Variants in TSC1 observed in about 807,000 individuals in gnomAD.
TSC1 encodes TSC complex subunit 1.
Under a neutral mutation model 124.3 loss-of-function variants are expected in TSC1, and 20 were observed. The observed-to-expected ratio is 0.16, with a 90% CI of 0.11 to 0.23. TSC1 has a LOEUF of 0.23. Among genes scored for constraint, TSC1 ranks in the 10% least tolerant of loss-of-function variants. The pLI is 1.00. For synonymous variants in TSC1, 493 were observed against 539.1 expected (o/e 0.91, Z 1.19); for missense variants, 1,124 against 1,448.5 (o/e 0.78, Z 3.64).
chr9:132,931,876 C>T (rs1377109935), intron 2 of TSC1, among the ~76,000 whole-genome samples: 2 of 152,170 alleles, frequency 1.3e-5, no homozygotes, highest in Non-Finnish European at 2.9e-5. Context: ...TGGACTCAGT[C>T]AGGGGTGGTG....
upstream of TSC1, chr9:132,945,054 C>T (rs1209428174): frequency 6.5e-6 from 1 of 153,876 alleles, no homozygotes; most frequent in Non-Finnish European, 1.4e-5. Flanking sequence ...TCGTTTCTGC[C>T]CTTCGCTTGC....
Position 132,923,607 on chromosome 9 carries a change from C to G in TSC1, c.364-115G>C, listed in dbSNP as rs1846690666. ...GAGAGAATCACAAATCACAAGTTGA[C>G]TCACGTACTCATTTCCCTATCCCTA... On this transcript the variant is annotated intron_variant, in intron 5 of 22. Coordinates refer to ENST00000298552, the MANE Select transcript of TSC1 (RefSeq NM_000368.5). The surrounding 1 kb of genome is among the most constrained non-coding windows in gnomAD (Gnocchi z 4.2). The G allele has an allele frequency of 4.9e-6, 7 of 1,415,608 alleles. No individual in the cohort carries two copies. In the Admixed American group the frequency reaches 1.2e-4, roughly 25 times the overall value. The allele number at this position is 1,415,608 out of a possible 1,614,324, so 87.7% of individuals were successfully genotyped here.
chr9:132,897,656 A>G (rs2131642100), intron 20 of TSC1, 46 bp from the exon 21 acceptor site: 2 of 1,567,396 alleles, frequency 1.3e-6, no homozygotes, highest in South Asian at 2.4e-5. Flanking sequence ...CTTATAAAAA[A>G]TAAACATGCT....
intron 12 of TSC1, chr9:132,910,169 C>T: frequency 2.8e-6 from 1 of 357,574 alleles, no homozygotes; most frequent in Non-Finnish European, 5.1e-6. Context: ...GGCATCATGG[C>T]ACATGCCTGT....
At chr9:132,938,091 T>C (rs1291356785) in intron 1 of TSC1, among the ~76,000 whole-genome samples, 1 of 152,252 alleles carries the variant, frequency 6.6e-6, no homozygotes, top group East Asian at 1.9e-4. Context: ...ATGATAATGG[T>C]ACTAAATTGG....
At chr9:132,910,173 T>C (rs1845870197) in intron 12 of TSC1, 1 of 377,426 alleles carries the variant, frequency 2.6e-6, no homozygotes. Flanking sequence ...TCATGGCACA[T>C]GCCTGTAGTC....
Position 132,921,144 on chromosome 9 carries a change from C to T in TSC1, c.737+219G>A, listed in dbSNP as rs1846527669. Among the ~76,000 whole-genome samples the T allele has an allele frequency of 6.6e-6, 1 of 152,060 alleles. No individual in the cohort carries two copies. The highest frequency in any genetic ancestry group is 1.5e-5 in the Non-Finnish European group (1 of 68,028). On this transcript the variant is annotated intron_variant, in intron 8 of 22. Coordinates refer to ENST00000298552, the MANE Select transcript of TSC1 (RefSeq NM_000368.5). The surrounding 1 kb of genome is among the most constrained non-coding windows in gnomAD (Gnocchi z 4.3). ...CCTTTCTGGGGGACAGGCACTTGTG[C>T]TGCAACTTTCTCCACTCTGCTAAAT...
chr9:132,928,520 G>C (rs1272868232), intron 3 of TSC1, among the ~76,000 whole-genome samples: 2 of 152,160 alleles, frequency 1.3e-5, no homozygotes, highest in African/African-American at 4.8e-5. Flanking sequence ...TTGGAGGGTG[G>C]GAGAGTCAGG....
rs1178801350 is a variant in TSC1 at position 132,923,971 on chromosome 9, AG to A, written c.364-480del. Among the ~76,000 whole-genome samples, 2 of 152,302 alleles carry A rather than the reference AG, an allele frequency of 1.3e-5. No individual in the cohort carries two copies. The highest frequency in any genetic ancestry group is 4.8e-5 in the African/African-American group (2 of 41,582). ...TTACTATTTTTTAAAGAACTACAAC[AG>A]AAGTATAATTGAAGGAGAAATTCAT... On this transcript the variant is annotated intron_variant, in intron 5 of 22. Coordinates refer to ENST00000298552, the MANE Select transcript of TSC1 (RefSeq NM_000368.5). The surrounding 1 kb of genome is among the most constrained non-coding windows in gnomAD (Gnocchi z 4.2).
chr9:132,939,145 T>C (rs1462159757), intron 1 of TSC1: 1 of 152,248 alleles, frequency 6.6e-6, no homozygotes, highest in Non-Finnish European at 1.5e-5. Flanking sequence ...TAAGTTAATG[T>C]TCCGCTCTGG....
intron 8 of TSC1, among the ~76,000 whole-genome samples, chr9:132,914,819 G>C (rs1170146731): frequency 6.6e-6 from 1 of 151,790 alleles, no homozygotes; most frequent in East Asian, 1.9e-4. Flanking sequence ...CAGAGAGCCA[G>C]GAAAGCACCA....
rs1475481061 is a variant in TSC1, at chr9:132,904,441, T to C, written c.2011A>G (p.Ser671Gly). Reference protein sequence around the residue: ...SKELNKLPLPSKSVDWTHFGG... With the variant: ...SKELNKLPLPGKSVDWTHFGG... ...AAGTGGGTCCAGTCGACAGACTTGCTGGGTAAAGGCAACCTAGGAAGAAAG... is the reference window on the plus strand; with the variant it reads ...AAGTGGGTCCAGTCGACAGACTTGCCGGGTAAAGGCAACCTAGGAAGAAAG... The change falls in exon 16 of 23, where the codon AGC becomes GGC. Residue 671 changes from serine (S) to glycine (G), a missense_variant. Transcript: ENST00000298552. 1 of 1,614,080 alleles carries C rather than the reference T, an allele frequency of 6.2e-7. No homozygotes were observed. The highest frequency in any genetic ancestry group is 8.5e-7 in the Non-Finnish European group (1 of 1,180,014).
rs2284902 is a variant in TSC1, at chr9:132,900,143, T to C, written c.2625+572A>G. On this transcript the variant is annotated intron_variant, in intron 20 of 22. Coordinates refer to ENST00000298552, the MANE Select transcript of TSC1 (RefSeq NM_000368.5). ...TGATGGAGAAGTTAGTGACAGGAAG[T>C]ATCTGAACAGCTACTATTAAAATTC... is the stretch of plus-strand genomic sequence containing the variant. 0.19 allele frequency: 30,851 copies of C among 164,448 alleles called. 3,581 individuals carry two copies. The highest frequency in any genetic ancestry group is 0.34 in the African/African-American group (14,229 of 41,524). 10.2% of individuals were successfully genotyped at this position (164,448 alleles called of 1,614,324 possible).
chr9:132,937,904 C>G (rs2132434420), intron 1 of TSC1, among the ~76,000 whole-genome samples: 1 of 152,228 alleles, frequency 6.6e-6, no homozygotes, highest in South Asian at 2.1e-4. Context: ...TTTGTAGAGA[C>G]AGGGTCTCCC....
intron 8 of TSC1, among the ~76,000 whole-genome samples, chr9:132,915,427 G>A (rs1846225443): frequency 6.6e-6 from 1 of 152,208 alleles, no homozygotes; most frequent in Non-Finnish European, 1.5e-5. Flanking sequence ...ATATCTGACT[G>A]TAGTAAGTAT....
intron 2 of TSC1, among the ~76,000 whole-genome samples, chr9:132,933,524 C>T (rs1847311100): frequency 6.6e-6 from 1 of 152,150 alleles, no homozygotes; most frequent in African/African-American, 2.4e-5. Flanking sequence ...ATCTTTGAGG[C>T]TTGCCAAGCT....
In TSC1 at chr9:132,893,341, GTTT is replaced by G. The variant is rs143549363; in HGVS notation, c.*2891_*2893del. ...CCTTGACCTTCCTACCTTTGGGTTT[GTTT>G]TTTTTCTATTCATGACCACGTGTTT... On this transcript the variant is annotated 3_prime_UTR_variant, in exon 23 of 23. Transcript: ENST00000298552. 1 of 232,872 alleles carries G rather than the reference GTTT, an allele frequency of 4.3e-6. No individual in the cohort carries two copies. The highest frequency in any genetic ancestry group is 5.6e-5 in the Admixed American group (1 of 17,764). The allele number at this position is 232,872 out of a possible 1,614,324, so 14.4% of individuals were successfully genotyped here. A position where few individuals can be genotyped will look rare whatever the true frequency, so the allele number is the denominator to read the frequency against.
At chr9:132,944,905 G>A (rs1248029996), upstream of TSC1, 1 of 292,880 alleles carries the variant, frequency 3.4e-6, no homozygotes. Context: ...GGGCCGGCGC[G>A]GCGGGAGGAG....
At chr9:132,912,540 A>G (rs895385803) in intron 8 of TSC1, 83 bp from the exon 9 acceptor site, 2 of 1,531,876 alleles carry the variant, frequency 1.3e-6, no homozygotes, top group African/African-American at 2.7e-5. Context: ...AGTGCCAGCC[A>G]CGGAACTCTG....
Sources: allele counts gnomAD v4.1 joint callset (sites outside exome capture counted in the v4.1 genomes callset), GRCh38; gene constraint gnomAD v4.1.1; non-coding constraint Gnocchi (gnomAD v3.1); transcripts MANE v1.5; gene names NCBI Gene and HGNC (gene_info 2026-07-23, HGNC 2026-07-21).